The following FAM227B variants were observed in gnomAD, a reference collection of about 807,000 sequenced individuals.
The protein encoded by FAM227B is protein FAM227B.
In FAM227B, 88 loss-of-function variants were observed where a neutral mutation model predicts 73.8. The ratio of observed to expected loss-of-function variants is 1.19; its 90% CI spans 1.00 to 1.42. The LOEUF (loss-of-function observed/expected upper bound fraction) is 1.42, where lower values mean the gene tolerates loss of function less well. Among genes scored for constraint, FAM227B ranks in the 40% most tolerant of loss-of-function variants. FAM227B has a pLI of 0.00. For missense variants in FAM227B, 632 were observed against 590.9 expected, an observed-to-expected ratio of 1.07 and a Z score of -0.72; for synonymous variants, 210 against 190.5, an observed-to-expected ratio of 1.10 and a Z score of -0.84.
At chr15:49,501,774 C>T (rs963599547) in intron 11 of FAM227B, among the ~76,000 whole-genome samples, 2 of 152,204 alleles carry the variant, frequency 1.3e-5, no homozygotes, top group African/African-American at 2.4e-5. Flanking sequence ...GCCTTGAAGG[C>T]ATCCCAGAAA....
chr15:49,587,979 CCAACTTT>C, intron 5 of FAM227B, 30 bp downstream of exon 5: 1 of 1,386,824 alleles, frequency 7.2e-7, no homozygotes, highest in Non-Finnish European at 9.5e-7. Flanking sequence ...CTGTGAAAAT[CCAACTTT>C]CAAGGATGAT....
chr15:49,410,499 T>C (rs1376999134), intron 11 of FAM227B, among the ~76,000 whole-genome samples: 1 of 152,184 alleles, frequency 6.6e-6, no homozygotes, highest in Non-Finnish European at 1.5e-5. Flanking sequence ...TCACCTCATT[T>C]ACACAGCACA....
intron 11 of FAM227B, among the ~76,000 whole-genome samples, chr15:49,494,072 G>A (rs1302065752): frequency 6.6e-6 from 1 of 151,950 alleles, no homozygotes; most frequent in African/African-American, 2.4e-5. Flanking sequence ...AGTGATAGCT[G>A]ACAGACTGTC....
At chr15:49,406,685 G>A (rs988140784) in intron 11 of FAM227B, among the ~76,000 whole-genome samples, 1 of 152,020 alleles carries the variant, frequency 6.6e-6, no homozygotes, top group Non-Finnish European at 1.5e-5. Context: ...TGACCCAGCA[G>A]TGGCAGGGCA....
chr15:49,381,871 T>C (rs1378009497), intron 11 of FAM227B, among the ~76,000 whole-genome samples: 1 of 152,166 alleles, frequency 6.6e-6, no homozygotes. Flanking sequence ...GTTATAAATG[T>C]CAGCAGTTGA....
intron 11 of FAM227B, among the ~76,000 whole-genome samples, chr15:49,410,963 T>A (rs1477650583): frequency 2.4e-5 from 3 of 124,930 alleles, no homozygotes; most frequent in African/African-American, 9.2e-5. Flanking sequence ...CATTTGAGAG[T>A]GTGTGTGTGT....
At chr15:49,562,222 A>G (rs1776437018) in intron 9 of FAM227B, among the ~76,000 whole-genome samples, 1 of 152,078 alleles carries the variant, frequency 6.6e-6, no homozygotes, top group South Asian at 2.1e-4. Context: ...TATGAACAAC[A>G]CTACACACAC....
intron 11 of FAM227B, among the ~76,000 whole-genome samples, chr15:49,417,311 C>T (rs2049282542): frequency 6.6e-6 from 1 of 152,028 alleles, no homozygotes; most frequent in Admixed American, 6.6e-5. Context: ...CACCTGAGCC[C>T]AGAAACTTGA....
chr15:49,618,988 G>T (rs904449607), intron 1 of FAM227B, among the ~76,000 whole-genome samples: 1 of 152,180 alleles, frequency 6.6e-6, no homozygotes, highest in East Asian at 1.9e-4. Context: ...CTGGCCAACA[G>T]AATGTGGCCA....
intron 2 of FAM227B, among the ~76,000 whole-genome samples, chr15:49,614,320 A>C (rs1172669241): frequency 1.3e-5 from 2 of 150,042 alleles, no homozygotes; most frequent in Non-Finnish European, 3.0e-5. Flanking sequence ...AAACTTGGAC[A>C]AAAAAAAAAT....
At chr15:49,556,480 C>T (rs987882385) in intron 9 of FAM227B, among the ~76,000 whole-genome samples, 2 of 152,172 alleles carry the variant, frequency 1.3e-5, no homozygotes, top group Non-Finnish European at 2.9e-5. Flanking sequence ...CAGGCCACAA[C>T]ATTCTGATGT....
At chr15:49,604,908 T>C (rs924417708) in intron 3 of FAM227B, among the ~76,000 whole-genome samples, 6 of 152,226 alleles carry the variant, frequency 3.9e-5, no homozygotes, top group African/African-American at 1.2e-4. Context: ...TTTTCATGAT[T>C]TTTTATCTCT....
chr15:49,572,111 T>C (rs1262891548), intron 8 of FAM227B, among the ~76,000 whole-genome samples: 1 of 152,106 alleles, frequency 6.6e-6, no homozygotes, highest in African/African-American at 2.4e-5. Flanking sequence ...GTTATTACTA[T>C]TGTAAACAGA....
At chr15:49,545,446 TTTTTG>T (rs1447899608) in intron 9 of FAM227B, among the ~76,000 whole-genome samples, 1 of 152,222 alleles carries the variant, frequency 6.6e-6, no homozygotes, top group Admixed American at 6.5e-5. Context: ...AAGAATCAAC[TTTTTG>T]TTTTGTTTGT....
intron 11 of FAM227B, among the ~76,000 whole-genome samples, chr15:49,388,680 T>C (rs969389707): frequency 1.3e-5 from 2 of 151,790 alleles, no homozygotes; most frequent in African/African-American, 2.4e-5. Flanking sequence ...AAAGAAATAA[T>C]TGACAGAGTA....
intron 9 of FAM227B, among the ~76,000 whole-genome samples, chr15:49,561,188 C>T (rs1238432188): frequency 2.0e-5 from 3 of 151,938 alleles, no homozygotes; most frequent in Admixed American, 2.0e-4. Context: ...ATCTACCATG[C>T]AAAGGGAAAA....
chr15:49,459,591 A>G (rs1687620967), intron 11 of FAM227B, among the ~76,000 whole-genome samples: 2 of 152,018 alleles, frequency 1.3e-5, no homozygotes, highest in Non-Finnish European at 2.9e-5. Context: ...TCTCTTCAAT[A>G]TTTTGCAAAT....
At chr15:49,580,455 A>C (rs999529863) in intron 5 of FAM227B, among the ~76,000 whole-genome samples, 4 of 152,204 alleles carry the variant, frequency 2.6e-5, no homozygotes, top group Non-Finnish European at 5.9e-5. Context: ...ACAAAGTCTC[A>C]GCCCTCTGAA....
chr15:49,369,367 C>T (rs571613391), intron 12 of FAM227B, among the ~76,000 whole-genome samples: 1 of 152,132 alleles, frequency 6.6e-6, no homozygotes, highest in South Asian at 2.1e-4. Flanking sequence ...TCCATTCATC[C>T]CATGAAAGAT....
Sources: gnomAD v4.1 joint callset for allele counts (sites outside exome capture counted in the v4.1 genomes callset) on GRCh38, gnomAD v4.1.1 for gene constraint, MANE v1.5 for transcripts, NCBI Gene and HGNC (gene_info 2026-07-23, HGNC 2026-07-21) for gene names.